Variants in FOXP2 observed in about 807,000 individuals in gnomAD.
FOXP2 encodes the protein forkhead box protein P2.
In FOXP2, 12 loss-of-function variants were observed where a neutral mutation model predicts 115.8. The ratio of observed to expected loss-of-function variants is 0.10; its 90% CI spans 0.07 to 0.17. The LOEUF is 0.17. FOXP2 is among the 10% of genes least tolerant of loss of function. FOXP2 has a pLI of 1.00. For synonymous variants in FOXP2, 328 were observed against 297.7 expected (o/e 1.10, Z -1.05); for missense variants, 629 against 843.5 (o/e 0.75, Z 3.15).
chr7:114,324,627 TA>T (rs1324693125), intron 2 of FOXP2, among the ~76,000 whole-genome samples: 1 of 151,882 alleles, frequency 6.6e-6, no homozygotes, highest in African/African-American at 2.4e-5. Flanking sequence ...TAATTATTCC[TA>T]ATAATTGGCG....
At chr7:114,253,362 T>G (rs1193647538) in intron 1 of FOXP2, among the ~76,000 whole-genome samples, 1 of 152,136 alleles carries the variant, frequency 6.6e-6, no homozygotes, top group African/African-American at 2.4e-5. Flanking sequence ...ACTTTCTGTC[T>G]CGTTGATCTG....
At chr7:114,477,687 C>CAT (rs915458102) in intron 2 of FOXP2, among the ~76,000 whole-genome samples, 10 of 151,666 alleles carry the variant, frequency 6.6e-5, no homozygotes, top group Admixed American at 5.3e-4. Flanking sequence ...TAAACTGATA[C>CAT]ATATATATAT....
At chr7:114,217,485 G>C (rs1794515094) in intron 1 of FOXP2, among the ~76,000 whole-genome samples, 1 of 152,238 alleles carries the variant, frequency 6.6e-6, no homozygotes, top group East Asian at 1.9e-4. Context: ...GAGGAATTTG[G>C]TCATGAGACA....
rs892025188 is a variant in FOXP2, at chr7:114,692,453, C to G, written c.*2527C>G. 2.2e-6 allele frequency: 1 copy of G among 451,430 alleles called. No homozygotes were observed. Among genetic ancestry groups the G allele is most frequent in the Admixed American group, 2.4e-5 (1 of 42,096 alleles). 28.0% of individuals were successfully genotyped at this position (451,430 alleles called of 1,614,324 possible). The stretch of plus-strand genomic sequence containing the variant: ...TTTGGAGTTTCCTGAAATGCTTGGT[C>G]TGTATTTTGATAATTGTGCATATTA... On this transcript the variant is annotated 3_prime_UTR_variant, in exon 17 of 17. Coordinates refer to ENST00000350908, the MANE Select transcript of FOXP2 (RefSeq NM_014491.4).
intron 1 of FOXP2, among the ~76,000 whole-genome samples, chr7:114,273,253 T>C (rs1796111887): frequency 6.6e-6 from 1 of 152,040 alleles, no homozygotes; most frequent in Admixed American, 6.6e-5. Flanking sequence ...GAATTTTAGT[T>C]ATCTTCCTGT....
intron 2 of FOXP2, among the ~76,000 whole-genome samples, chr7:114,402,444 G>A (rs750091668): frequency 6.6e-6 from 1 of 152,056 alleles, no homozygotes; most frequent in Admixed American, 6.6e-5. Flanking sequence ...ATCTCAAACA[G>A]TTTACACAAT....
chr7:114,659,633 G>A lies in FOXP2; in HGVS notation c.1607G>A (p.Arg536Gln), dbSNP rs758427088. Residue 536 changes from arginine to glutamine, a missense_variant, in exon 13 of 17, where the codon CGG becomes CAG. Transcript: ENST00000350908. Reference protein sequence around the residue: ...TLNEIYSWFTRTFAYFRRNAA... With the variant: ...TLNEIYSWFTQTFAYFRRNAA... The stretch of plus-strand genomic sequence containing the variant: ...AATGAAATTTACAGCTGGTTTACAC[G>A]GACATTTGCTTACTTCAGGCGTAAT... 13 of 1,613,496 alleles carry A rather than the reference G, an allele frequency of 8.1e-6. No individual in the cohort carries two copies. Among genetic ancestry groups the A allele is most frequent in the East Asian group, 2.2e-5 (1 of 44,868 alleles).
intron 1 of FOXP2, among the ~76,000 whole-genome samples, chr7:114,094,284 C>A (rs549291173): frequency 2.0e-5 from 3 of 152,170 alleles, no homozygotes; most frequent in Non-Finnish European, 2.9e-5. Context: ...AATACGAAGT[C>A]ATGAATAAGT....
intron 1 of FOXP2, among the ~76,000 whole-genome samples, chr7:114,113,636 C>A (rs1034155770): frequency 2.4e-4 from 36 of 151,936 alleles, no homozygotes; most frequent in African/African-American, 8.2e-4. Context: ...CCTGAGTACC[C>A]AGGACAACAG....
chr7:114,607,411 G>C (rs1425309345), intron 3 of FOXP2, among the ~76,000 whole-genome samples: 1 of 152,092 alleles, frequency 6.6e-6, no homozygotes, highest in African/African-American at 2.4e-5. Flanking sequence ...TATTCAATAG[G>C]ATTCAAGAAA....
chr7:114,284,762 G>T (rs1414054112), intron 1 of FOXP2, among the ~76,000 whole-genome samples: 1 of 152,152 alleles, frequency 6.6e-6, no homozygotes, highest in Admixed American at 6.6e-5. Context: ...GCTCACATAT[G>T]TTCCTTGTAG....
intron 5 of FOXP2, among the ~76,000 whole-genome samples, 175 bp downstream of exon 5, chr7:114,630,180 AG>A (rs1804824592): frequency 6.6e-6 from 1 of 152,158 alleles, no homozygotes; most frequent in African/African-American, 2.4e-5. Flanking sequence ...CCTTTTTTGT[AG>A]CATGGGACTT....
chr7:114,342,626 A>G (rs571226947), intron 2 of FOXP2, among the ~76,000 whole-genome samples: 5 of 151,586 alleles, frequency 3.3e-5, no homozygotes, highest in African/African-American at 4.8e-5. Flanking sequence ...CTTGATTGAT[A>G]GGTGAATCTC....
chr7:114,385,584 G>A (rs1242154336), intron 2 of FOXP2, among the ~76,000 whole-genome samples: 2 of 152,106 alleles, frequency 1.3e-5, no homozygotes, highest in East Asian at 3.9e-4. Flanking sequence ...GAAGGGTTGG[G>A]GGTTGTTAGA....
intron 3 of FOXP2, among the ~76,000 whole-genome samples, chr7:114,586,696 A>G (rs1398892833): frequency 6.6e-6 from 1 of 152,256 alleles, no homozygotes; most frequent in Admixed American, 6.5e-5. Context: ...AAATGGTGAT[A>G]TATATCAGTA....
At chr7:114,098,828 C>A (rs559955502) in intron 1 of FOXP2, among the ~76,000 whole-genome samples, 5 of 152,204 alleles carry the variant, frequency 3.3e-5, no homozygotes, top group Admixed American at 3.3e-4. Context: ...GGTTAATATC[C>A]AAAATTTTAA....
intron 1 of FOXP2, among the ~76,000 whole-genome samples, chr7:114,261,631 A>T (rs143533434): frequency 3.3e-3 from 508 of 152,312 alleles, no homozygotes; most frequent in African/African-American, 0.012. Flanking sequence ...TCTGTAAAAT[A>T]AAACGGTTAT....
At chr7:114,297,147 C>T (rs925177905) in intron 2 of FOXP2, 7 of 490,380 alleles carry the variant, frequency 1.4e-5, no homozygotes, top group Non-Finnish European at 2.5e-5. Context: ...CTCATGGCGC[C>T]CAGAACGTTT....
chr7:114,472,519 T>G (rs1230128471), intron 2 of FOXP2, among the ~76,000 whole-genome samples: 1 of 152,004 alleles, frequency 6.6e-6, no homozygotes, highest in African/African-American at 2.4e-5. Context: ...CTAATTTTTT[T>G]GTACTTTTAG....
Sources: allele counts gnomAD v4.1 joint callset (sites outside exome capture counted in the v4.1 genomes callset), GRCh38; gene constraint gnomAD v4.1.1; transcripts MANE v1.5; gene names NCBI Gene and HGNC (gene_info 2026-07-23, HGNC 2026-07-21).